SLC45A4: variants seen among roughly 807,000 people sequenced by gnomAD.
SLC45A4 encodes solute carrier family 45 member 4.
SLC45A4 carries 32 observed loss-of-function variants against 63.7 expected under a neutral mutation model. The observed-to-expected ratio is 0.50, with a 90% CI of 0.38 to 0.67. The LOEUF is 0.67. Ranked by LOEUF, SLC45A4 falls within the 30% of genes least tolerant of loss-of-function variation. The pLI is 0.00. For synonymous variants in SLC45A4, 535 were observed against 510.0 expected (o/e 1.05, Z -0.66); for missense variants, 1,027 against 1,157.7 (o/e 0.89, Z 1.64).
At chr8:141,232,244 C>T (rs983529493) in intron 2 of SLC45A4, among the ~76,000 whole-genome samples, 5 of 152,274 alleles carry the variant, frequency 3.3e-5, no homozygotes, top group African/African-American at 1.2e-4. Flanking sequence ...CATCACACGC[C>T]AGCCCCGCTG....
chr8:141,292,444 G>C (rs1331908731), intron 1 of SLC45A4, among the ~76,000 whole-genome samples: 1 of 152,280 alleles, frequency 6.6e-6, no homozygotes, highest in Admixed American at 6.5e-5. Context: ...GGAGCACAGA[G>C]CCCCGCACGC....
chr8:141,245,038 A>T (rs150242047), intron 2 of SLC45A4, among the ~76,000 whole-genome samples: 70 of 149,016 alleles, frequency 4.7e-4, no homozygotes, highest in African/African-American at 1.7e-3. Flanking sequence ...CCACTGAGTG[A>T]CTTTTCCACA....
intron 2 of SLC45A4, among the ~76,000 whole-genome samples, chr8:141,222,780 C>T (rs1182531209): frequency 3.3e-5 from 5 of 152,214 alleles, no homozygotes; most frequent in South Asian, 2.1e-4. Flanking sequence ...TCCAAAGGCG[C>T]GGAAAGGACC....
chr8:141,264,627 G>A lies in SLC45A4; in HGVS notation c.-400-9998C>T, dbSNP rs537353372. 9.9e-5 allele frequency among the ~76,000 whole-genome samples: 15 copies of A among 152,262 alleles called. No individual in the cohort carries two copies. In the South Asian group the frequency reaches 3.1e-3, roughly 32 times the overall value. On this transcript the variant is annotated intron_variant, in intron 1 of 8. Coordinates refer to ENST00000517878, the MANE Select transcript of SLC45A4 (RefSeq NM_001286646.2). ...TTAATGTTATAAACTAGCCTGGGGG[G>A]AGCCAATATCCTCAGGCTGCTGAGT...
intron 1 of SLC45A4, among the ~76,000 whole-genome samples, chr8:141,273,463 G>A (rs1247078285): frequency 6.6e-6 from 1 of 152,136 alleles, no homozygotes; most frequent in Admixed American, 6.5e-5. Context: ...TCTCCTCTGA[G>A]TCGCGGTTAC....
rs770021470 is a variant in SLC45A4, at chr8:141,241,141, G to A, written c.241+12848C>T. Among the ~76,000 whole-genome samples the A allele has an allele frequency of 3.3e-5, 5 of 152,266 alleles. 1 individual carries two copies. Among genetic ancestry groups the A allele is most frequent in the African/African-American group, 7.2e-5 (3 of 41,476 alleles). On this transcript the variant is annotated intron_variant, in intron 2 of 8. Transcript: ENST00000517878. ...TAAAAGTCTCCTCCAGAAGTGCATC[G>A]TTCAATAAATGGTGTGGAAATGTAG...
intron 2 of SLC45A4, among the ~76,000 whole-genome samples, chr8:141,248,573 A>T (rs11990045): frequency 0.49 from 74,247 of 151,862 alleles, 18,651 homozygotes; most frequent in African/African-American, 0.61. Flanking sequence ...TTAAAAAAAA[A>T]AATAATAATA....
At position 141,254,651 on chromosome 8, in the gene SLC45A4, C is replaced by A. The variant is rs748427594; in HGVS notation, c.-400-22G>T. The A allele has an allele frequency of 1.6e-5, 11 of 697,166 alleles. No individual in the cohort carries two copies. Among genetic ancestry groups the A allele is most frequent in the Non-Finnish European group, 2.6e-5 (10 of 381,990 alleles). 43.2% of individuals were successfully genotyped at this position (697,166 alleles called of 1,614,324 possible). On this transcript the variant is annotated intron_variant, in intron 1 of 8. Transcript: ENST00000517878. This position sits in a 1 kb window ranked among gnomAD's most constrained non-coding sequence, Gnocchi z 4.5. Reference sequence around the variant, plus strand: ...TGATCTGCAAAAGAGGAAAACAACCCGGCCAGAGAGTCAGGGGACGGCCAC... The same window carrying A: ...TGATCTGCAAAAGAGGAAAACAACCAGGCCAGAGAGTCAGGGGACGGCCAC...
chr8:141,238,498 C>T (rs775028422), intron 2 of SLC45A4, among the ~76,000 whole-genome samples: 5 of 152,314 alleles, frequency 3.3e-5, no homozygotes, highest in East Asian at 1.9e-4. Context: ...CCCTGGCCTC[C>T]GCCATTCTGC....
intron 6 of SLC45A4, 37 bp downstream of exon 6, chr8:141,217,053 G>A: frequency 6.3e-7 from 1 of 1,594,070 alleles, no homozygotes; most frequent in Non-Finnish European, 8.6e-7. Context: ...TGAGTTTTCT[G>A]GGGTGCGAGT....
At chr8:141,266,699 A>C (rs1457289588) in intron 1 of SLC45A4, among the ~76,000 whole-genome samples, 1 of 152,212 alleles carries the variant, frequency 6.6e-6, no homozygotes, top group Non-Finnish European at 1.5e-5. Context: ...ATATACAAAG[A>C]GTCCTTAAAA....
chr8:141,304,827 T>C (rs1830853057), intron 1 of SLC45A4, among the ~76,000 whole-genome samples: 1 of 152,190 alleles, frequency 6.6e-6, no homozygotes, highest in South Asian at 2.1e-4. Flanking sequence ...CTATCAGGGA[T>C]ATGAAACACT....
chr8:141,268,457 C>A (rs988515646), intron 1 of SLC45A4, among the ~76,000 whole-genome samples: 2 of 152,170 alleles, frequency 1.3e-5, no homozygotes, highest in African/African-American at 4.8e-5. Flanking sequence ...ACTGGGGTGA[C>A]AGAGACGTGC....
intron 3 of SLC45A4, among the ~76,000 whole-genome samples, chr8:141,221,280 GAC>G (rs1826611120): frequency 1.3e-5 from 2 of 152,254 alleles, no homozygotes; most frequent in Non-Finnish European, 2.9e-5. Context: ...AACAAAAAAA[GAC>G]AAGATAATTT....
At position 141,218,917 on chromosome 8, in the gene SLC45A4, G is replaced by C; in HGVS notation, c.723C>G (p.Ile241Met). 1 of 1,613,824 alleles carries C rather than the reference G, an allele frequency of 6.2e-7. No homozygotes were observed. The highest frequency in any genetic ancestry group is 8.5e-7 in the Non-Finnish European group (1 of 1,179,948). The change falls in exon 5 of 9, where the codon ATC (isoleucine) becomes ATG (methionine). Residue 241 changes from isoleucine (I) to methionine (M), a missense_variant. Physicochemically the swap from Ile to Met is conservative, Grantham distance 10 (BLOSUM62 1). Coordinates refer to ENST00000517878, the MANE Select transcript of SLC45A4 (RefSeq NM_001286646.2). Reference protein sequence around the residue: ...NQVLFFFAAIIFTVSVALHLF... With the variant: ...NQVLFFFAAIMFTVSVALHLF... ...GGTGCAGGGCCACGGACACCGTGAA[G>C]ATGATGGCGGCAAAGAAGAAGAGCA...
At chr8:141,292,291 C>T (rs1414006429) in intron 1 of SLC45A4, among the ~76,000 whole-genome samples, 1 of 152,250 alleles carries the variant, frequency 6.6e-6, no homozygotes, top group African/African-American at 2.4e-5. Flanking sequence ...GCTCAGGCCA[C>T]GTGGCACACT....
At chr8:141,250,268 C>T (rs1201077204) in intron 2 of SLC45A4, among the ~76,000 whole-genome samples, 1 of 152,232 alleles carries the variant, frequency 6.6e-6, no homozygotes, top group Non-Finnish European at 1.5e-5. Flanking sequence ...GAAACCATAT[C>T]TTGAGTCCTC....
intron 2 of SLC45A4, among the ~76,000 whole-genome samples, chr8:141,230,718 G>A (rs1827298462): frequency 6.6e-6 from 1 of 152,192 alleles, no homozygotes; most frequent in African/African-American, 2.4e-5. Flanking sequence ...TGTGGAATTA[G>A]CCACCTGAAA....
chr8:141,284,119 A>T (rs1473117662), intron 1 of SLC45A4, among the ~76,000 whole-genome samples: 1 of 152,224 alleles, frequency 6.6e-6, no homozygotes, highest in East Asian at 1.9e-4. Flanking sequence ...ATTTGATGAC[A>T]GTCACCTTCC....
Sources: allele counts gnomAD v4.1 joint callset (sites outside exome capture counted in the v4.1 genomes callset), GRCh38; gene constraint gnomAD v4.1.1; non-coding constraint Gnocchi (gnomAD v3.1); transcripts MANE v1.5; gene names NCBI Gene and HGNC (gene_info 2026-07-23, HGNC 2026-07-21).